Variants in MYLK observed in about 807,000 individuals in gnomAD.
The protein encoded by MYLK is myosin light chain kinase, also known as myosin light chain kinase, smooth muscle.
In MYLK, 106 loss-of-function variants were observed where a neutral mutation model predicts 203.4. The ratio of observed to expected loss-of-function variants is 0.52; its 90% confidence interval spans 0.45 to 0.61. The LOEUF (loss-of-function observed/expected upper bound fraction) is 0.61, where lower values mean the gene tolerates loss of function less well. Ranked by LOEUF, MYLK falls within the 20% of genes least tolerant of loss-of-function variation. The probability of loss-of-function intolerance (pLI) is 0.00; values close to 1 mark genes in which losing one functional copy is unlikely to be tolerated. For missense variants in MYLK, 2,072 were observed against 2,442.3 expected (o/e 0.85, Z 3.20); for synonymous variants, 867 against 959.5 (o/e 0.90, Z 1.78).
rs758629379 is a variant in MYLK, at chr3:123,640,275, G to C, written c.4837+12C>G. The stretch of plus-strand genomic sequence containing the variant: ...CACACTGGTGTCCATGGGAGAGGCA[G>C]ATGAGCCTTACCCAGCCTCCTGGCC... On this transcript the variant is annotated intron_variant, in intron 28 of 33. Coordinates refer to ENST00000360304, the MANE Select transcript of MYLK (RefSeq NM_053025.4). This position sits in a 1 kb window ranked among gnomAD's most constrained non-coding sequence, Gnocchi z 4.3. 1.2e-6 allele frequency: 2 copies of C among 1,613,290 alleles called. No homozygotes were observed. The highest frequency in any genetic ancestry group is 1.7e-6 in the Non-Finnish European group (2 of 1,179,356).
intron 2 of MYLK, among the ~76,000 whole-genome samples, chr3:123,833,300 C>T (rs532808279): frequency 6.6e-6 from 1 of 152,336 alleles, no homozygotes; most frequent in South Asian, 2.1e-4. Flanking sequence ...CATCTCTTGA[C>T]CTTGAAGAGA....
At chr3:123,848,511 TA>T (rs113551229) in intron 2 of MYLK, among the ~76,000 whole-genome samples, 2 of 151,212 alleles carry the variant, frequency 1.3e-5, no homozygotes, top group East Asian at 1.9e-4. Flanking sequence ...CATGCTAAAA[TA>T]AAAAAAAACA....
intron 11 of MYLK, among the ~76,000 whole-genome samples, chr3:123,730,737 C>G (rs140585300): frequency 6.6e-6 from 1 of 152,218 alleles, no homozygotes; most frequent in East Asian, 1.9e-4. Flanking sequence ...ATATTAGTGG[C>G]TATCAGGGGT....
At chr3:123,794,347 G>A (rs970301147) in intron 3 of MYLK, among the ~76,000 whole-genome samples, 1 of 152,170 alleles carries the variant, frequency 6.6e-6, no homozygotes, top group African/African-American at 2.4e-5. Flanking sequence ...GGTAGTTTGG[G>A]GTTAATATGG....
intron 2 of MYLK, among the ~76,000 whole-genome samples, chr3:123,855,184 T>C (rs1310079092): frequency 2.0e-5 from 3 of 152,194 alleles, no homozygotes; most frequent in African/African-American, 7.2e-5. Context: ...ATTGCTTCAC[T>C]TCCATTCCCT....
chr3:123,661,464 T>C (rs917442921), intron 23 of MYLK, among the ~76,000 whole-genome samples: 1 of 152,010 alleles, frequency 6.6e-6, no homozygotes, highest in Non-Finnish European at 1.5e-5. Flanking sequence ...TGGGAGGAAA[T>C]TATTCAAATA....
intron 3 of MYLK, among the ~76,000 whole-genome samples, chr3:123,829,070 T>A (rs2066234303): frequency 6.6e-6 from 1 of 152,216 alleles, no homozygotes; most frequent in African/African-American, 2.4e-5. Context: ...AACAGCCATA[T>A]GATCCAGCAA....
intron 29 of MYLK, among the ~76,000 whole-genome samples, chr3:123,634,781 G>T (rs536633686): frequency 1.3e-4 from 20 of 152,302 alleles, no homozygotes; most frequent in African/African-American, 4.6e-4. Context: ...GTAGGGGAGG[G>T]AGACAGCAGG....
At chr3:123,832,721 G>T (rs2066371409) in intron 2 of MYLK, among the ~76,000 whole-genome samples, 1 of 152,118 alleles carries the variant, frequency 6.6e-6, no homozygotes. Context: ...AAAGCAACTT[G>T]GCACCATCTT....
intron 11 of MYLK, among the ~76,000 whole-genome samples, chr3:123,728,753 A>T (rs937232887): frequency 1.3e-5 from 2 of 152,042 alleles, no homozygotes; most frequent in African/African-American, 4.8e-5. Flanking sequence ...AAGGGGCAGG[A>T]TGGGTTCAGA....
At chr3:123,729,881 C>CAA (rs113098146) in intron 11 of MYLK, among the ~76,000 whole-genome samples, 8 of 98,774 alleles carry the variant, frequency 8.1e-5, no homozygotes, top group Admixed American at 3.1e-4. Context: ...GACCCTGTTT[C>CAA]AAAAAAAAAA....
At chr3:123,631,325 G>A (rs1183730510) in intron 29 of MYLK, among the ~76,000 whole-genome samples, 1 of 148,834 alleles carries the variant, frequency 6.7e-6, no homozygotes, top group Non-Finnish European at 1.5e-5. Flanking sequence ...TTGAACCCTG[G>A]AGGTGGAGGT....
At chr3:123,882,038 C>G (rs2148733090) in intron 1 of MYLK, among the ~76,000 whole-genome samples, 1 of 152,334 alleles carries the variant, frequency 6.6e-6, no homozygotes, top group African/African-American at 2.4e-5. Flanking sequence ...AGGAATGTTC[C>G]AAGGCCTAGT....
At chr3:123,794,820 A>G (rs1200155131) in intron 3 of MYLK, among the ~76,000 whole-genome samples, 3 of 152,238 alleles carry the variant, frequency 2.0e-5, no homozygotes, top group Admixed American at 1.3e-4. Flanking sequence ...ATAAGTTATC[A>G]TTTATTGAGA....
chr3:123,735,155 G>A (rs2062629806), intron 9 of MYLK: 1 of 569,186 alleles, frequency 1.8e-6, no homozygotes, highest in Admixed American at 2.5e-5. Flanking sequence ...AGACTGTGTA[G>A]ATACTGTGAA....
chr3:123,780,592 A>G (rs923214387), intron 4 of MYLK, among the ~76,000 whole-genome samples: 11 of 152,246 alleles, frequency 7.2e-5, no homozygotes, highest in African/African-American at 2.4e-4. Flanking sequence ...AGACCCAAGC[A>G]CATGATACCA....
At chr3:123,651,467 G>A (rs915490255) in intron 24 of MYLK, among the ~76,000 whole-genome samples, 2 of 152,186 alleles carry the variant, frequency 1.3e-5, no homozygotes, top group African/African-American at 4.8e-5. Flanking sequence ...CCTATTTACT[G>A]TCAGGGAGGC....
intron 31 of MYLK, chr3:123,623,265 G>A (rs1242643859): frequency 6.6e-6 from 1 of 152,012 alleles, no homozygotes; most frequent in Non-Finnish European, 1.5e-5. Flanking sequence ...TAATGCCCTT[G>A]GTCCATACTG....
At position 123,678,563 on chromosome 3, in the gene MYLK, G is replaced by GA. The variant is rs34705745; in HGVS notation, c.3652+3660dup. Among the ~76,000 whole-genome samples the GA allele has an allele frequency of 0.027, 4,046 of 151,860 alleles. 364 individuals are homozygous for GA. In the East Asian group the frequency reaches 0.34, roughly 13 times the overall value. ...GGGAACTGGTCATGATCTATTTGAT[G>GA]AAAAAATCACTCAGGCTCACCTCAG... On this transcript the variant is annotated intron_variant, in intron 20 of 33. Transcript: ENST00000360304.
Sources: allele counts gnomAD v4.1 joint callset (sites outside exome capture counted in the v4.1 genomes callset), GRCh38; gene constraint gnomAD v4.1.1; non-coding constraint Gnocchi (gnomAD v3.1); transcripts MANE v1.5; gene names NCBI Gene and HGNC (gene_info 2026-07-23, HGNC 2026-07-21).